GRM5: variants seen among roughly 807,000 people sequenced by gnomAD.
GRM5 encodes metabotropic glutamate receptor 5.
A neutral mutation model predicts 83.1 loss-of-function variants in GRM5; 19 were observed. The ratio of observed to expected loss-of-function variants is 0.23; its 90% CI spans 0.16 to 0.34. The LOEUF is 0.34. Among genes scored for constraint, GRM5 ranks in the 10% least tolerant of loss-of-function variants. The pLI, the probability that GRM5 is intolerant of heterozygous loss-of-function variation, is 1.00. For missense variants in GRM5, 1,160 were observed against 1,588.3 expected, an observed-to-expected ratio of 0.73 and a Z score of 4.58; for synonymous variants, 675 against 633.6, an observed-to-expected ratio of 1.07 and a Z score of -0.98.
At chr11:88,863,842 C>T (rs1399545973) in intron 2 of GRM5, among the ~76,000 whole-genome samples, 2 of 151,826 alleles carry the variant, frequency 1.3e-5, no homozygotes, top group Non-Finnish European at 2.9e-5. Context: ...TCCAGCACAA[C>T]ACTGGACTAT....
chr11:88,855,249 T>C (rs960123635), intron 2 of GRM5, among the ~76,000 whole-genome samples: 4 of 151,888 alleles, frequency 2.6e-5, no homozygotes, highest in African/African-American at 7.2e-5. Flanking sequence ...ATTTTATCTA[T>C]CATCTCTTAT....
intron 4 of GRM5, among the ~76,000 whole-genome samples, chr11:88,643,661 G>A (rs1939358468): frequency 6.6e-6 from 1 of 152,142 alleles, no homozygotes; most frequent in African/African-American, 2.4e-5. Context: ...AAATCTGGGT[G>A]TTAGCTGTAG....
intron 3 of GRM5, among the ~76,000 whole-genome samples, chr11:88,809,374 G>T (rs976749249): frequency 6.6e-6 from 1 of 151,984 alleles, no homozygotes; most frequent in Non-Finnish European, 1.5e-5. Context: ...TCATATATTG[G>T]CTTTTCAATC....
chr11:88,887,280 G>A (rs1285167497), intron 2 of GRM5, among the ~76,000 whole-genome samples: 2 of 152,140 alleles, frequency 1.3e-5, no homozygotes, highest in Non-Finnish European at 2.9e-5. Flanking sequence ...ATTAGTAAGG[G>A]GATTTTAAGT....
At chr11:88,809,825 A>G (rs1033056116) in intron 3 of GRM5, among the ~76,000 whole-genome samples, 1 of 152,076 alleles carries the variant, frequency 6.6e-6, no homozygotes, top group Admixed American at 6.6e-5. Flanking sequence ...TTTAGCAAAT[A>G]AAAATATCAA....
intron 2 of GRM5, among the ~76,000 whole-genome samples, chr11:89,008,067 A>C (rs1192266033): frequency 6.6e-6 from 1 of 152,192 alleles, no homozygotes; most frequent in Non-Finnish European, 1.5e-5. Flanking sequence ...GTAAGAGGAG[A>C]AATATGTAAT....
At chr11:88,616,389 GTTTTTTTTTT>G (rs68153026) in intron 4 of GRM5, among the ~76,000 whole-genome samples, 23 of 95,780 alleles carry the variant, frequency 2.4e-4, no homozygotes, top group Non-Finnish European at 4.4e-4. Context: ...GCTTTGGAGT[GTTTTTTTTTT>G]TTTTTTTTTT....
intron 3 of GRM5, among the ~76,000 whole-genome samples, chr11:88,728,561 G>A (rs1277255534): frequency 1.3e-5 from 2 of 152,012 alleles, no homozygotes; most frequent in Non-Finnish European, 2.9e-5. Flanking sequence ...ACCTGGCAGA[G>A]ACACAACAAA....
chr11:88,949,477 T>C (rs1938386494), intron 2 of GRM5, among the ~76,000 whole-genome samples: 1 of 152,252 alleles, frequency 6.6e-6, no homozygotes, highest in South Asian at 2.1e-4. Context: ...TAAGTGAACA[T>C]ATTTTACCAT....
chr11:89,016,995 C>T (rs1038675476), intron 2 of GRM5, among the ~76,000 whole-genome samples: 17 of 152,122 alleles, frequency 1.1e-4, no homozygotes, highest in Non-Finnish European at 1.5e-5. Context: ...AAGGCTAGCA[C>T]TATCATTAAC....
At chr11:88,667,418 C>A (rs1193108456) in intron 3 of GRM5, among the ~76,000 whole-genome samples, 7 of 151,744 alleles carry the variant, frequency 4.6e-5, no homozygotes, top group Admixed American at 4.6e-4. Context: ...TGAATCCAAG[C>A]AAAATGAATA....
chr11:88,667,252 G>A (rs1476949200), intron 3 of GRM5, among the ~76,000 whole-genome samples: 1 of 152,018 alleles, frequency 6.6e-6, no homozygotes, highest in Non-Finnish European at 1.5e-5. Context: ...TATAAAATAT[G>A]ATGAAAACAT....
chr11:88,665,856 G>GA (rs112797355), intron 3 of GRM5, among the ~76,000 whole-genome samples: 41,770 of 145,972 alleles, frequency 0.29, 9,967 homozygotes, highest in African/African-American at 0.65. Context: ...TGATCCAGGA[G>GA]AAAAAAAAAA....
chr11:88,896,025 T>C (rs970756155), intron 2 of GRM5, among the ~76,000 whole-genome samples: 6 of 151,882 alleles, frequency 4.0e-5, no homozygotes, highest in African/African-American at 1.4e-4. Flanking sequence ...GGCAAAGAAA[T>C]GGACAAGGCA....
At chr11:88,971,032 G>A (rs187659186) in intron 2 of GRM5, among the ~76,000 whole-genome samples, 9 of 151,842 alleles carry the variant, frequency 5.9e-5, no homozygotes, top group Non-Finnish European at 1.3e-4. Context: ...ATGGTGAGGA[G>A]TTTGTTAACA....
At chr11:88,791,435 C>T (rs766374886) in intron 3 of GRM5, among the ~76,000 whole-genome samples, 2 of 152,144 alleles carry the variant, frequency 1.3e-5, no homozygotes, top group African/African-American at 4.8e-5. Context: ...GAACCTTCAG[C>T]AAATGCTGAG....
chr11:88,921,743 G>A (rs1305897840), intron 2 of GRM5, among the ~76,000 whole-genome samples: 2 of 152,064 alleles, frequency 1.3e-5, no homozygotes, highest in East Asian at 3.8e-4. Flanking sequence ...GCATAATTCT[G>A]GAAGTCCTAG....
In GRM5 at chr11:88,979,779, G is replaced by T. The variant is rs574873822; in HGVS notation, c.661+67433C>A. 9.4e-5 allele frequency among the ~76,000 whole-genome samples: 14 copies of T among 149,242 alleles called. No individual in the cohort carries two copies. The East Asian group carries it at 2.5e-3, about 27-fold the overall frequency. On this transcript the variant is annotated intron_variant, in intron 2 of 9. Coordinates refer to ENST00000305447, the MANE Select transcript of GRM5 (RefSeq NM_001143831.3). ...AGTACTTTATACTCCTTTCTTTGTGGAAAAAAAAAATCACTTCCTAATAGG... is the reference window on the plus strand; with the variant it reads ...AGTACTTTATACTCCTTTCTTTGTGTAAAAAAAAAATCACTTCCTAATAGG...
chr11:89,035,355 T>A (rs545415066), intron 2 of GRM5, among the ~76,000 whole-genome samples: 1 of 151,998 alleles, frequency 6.6e-6, no homozygotes, highest in East Asian at 1.9e-4. Flanking sequence ...AATGCTATCA[T>A]ATGTAATTCA....
Sources: allele counts gnomAD v4.1 joint callset (sites outside exome capture counted in the v4.1 genomes callset), GRCh38; gene constraint gnomAD v4.1.1; transcripts MANE v1.5; gene names NCBI Gene and HGNC (gene_info 2026-07-23, HGNC 2026-07-21).